PRKCZ: variants seen among roughly 807,000 people sequenced by gnomAD.
The protein encoded by PRKCZ is protein kinase C zeta type.
Under a neutral mutation model 79.5 loss-of-function variants are expected in PRKCZ, and 33 were observed. The ratio of observed to expected loss-of-function variants is 0.41; its 90% confidence interval spans 0.31 to 0.55. The LOEUF (loss-of-function observed/expected upper bound fraction) is 0.55, where lower values mean the gene tolerates loss of function less well. Ranked by LOEUF, PRKCZ falls within the 20% of genes least tolerant of loss-of-function variation. PRKCZ has a pLI of 0.19. For missense variants in PRKCZ, 578 were observed against 813.5 expected (o/e 0.71, Z 3.52); for synonymous variants, 342 against 320.9 (o/e 1.07, Z -0.70).
chr1:2,148,995 A>C, intron 8 of PRKCZ, 71 bp downstream of exon 8: 1 of 1,508,824 alleles, frequency 6.6e-7, no homozygotes, highest in Non-Finnish European at 9.2e-7. Context: ...TCTCTGGGGT[A>C]GTCACGGAAA....
At chr1:2,158,988 C>G (rs181560378) in intron 10 of PRKCZ, among the ~76,000 whole-genome samples, 1 of 151,906 alleles carries the variant, frequency 6.6e-6, no homozygotes, top group Non-Finnish European at 1.5e-5. Flanking sequence ...TGCAGTGGCA[C>G]GATCTCGGCT....
chr1:2,089,941 G>A lies in PRKCZ; in HGVS notation c.334+30350G>A, dbSNP rs941656722. 1.1e-4 allele frequency among the ~76,000 whole-genome samples: 17 copies of A among 152,144 alleles called. 1 individual carries two copies. Among genetic ancestry groups the A allele is most frequent in the African/African-American group, 3.4e-4 (14 of 41,418 alleles). Reference sequence around the variant, plus strand: ...AGCTTTATTCTCTGTCTGGAGACCAGCGTCTGAGAGCTGGGTTTCGGCAGG... The same window carrying A: ...AGCTTTATTCTCTGTCTGGAGACCAACGTCTGAGAGCTGGGTTTCGGCAGG... On this transcript the variant is annotated intron_variant, in intron 4 of 17. Coordinates refer to ENST00000378567, the MANE Select transcript of PRKCZ (RefSeq NM_002744.6).
intron 4 of PRKCZ, among the ~76,000 whole-genome samples, chr1:2,067,130 A>G (rs1397101260): frequency 6.6e-6 from 1 of 152,160 alleles, no homozygotes; most frequent in Non-Finnish European, 1.5e-5. Context: ...TGGTTGGAGA[A>G]TATACTTTGG....
rs954007633 is a variant in PRKCZ at position 2,125,015 on chromosome 1, C to T, written c.335-10247C>T. Among the ~76,000 whole-genome samples the T allele has an allele frequency of 1.3e-5, 2 of 152,204 alleles. No individual in the cohort carries two copies. The highest frequency in any genetic ancestry group is 1.5e-5 in the Non-Finnish European group (1 of 68,040). ...TCTGAGTTATTGTGACTCAGCCGCA[C>T]GTCCTCCCAGGGGCCTTGCCAGCCT... On this transcript the variant is annotated intron_variant, in intron 4 of 17. Transcript: ENST00000378567. This position sits in a 1 kb window ranked among gnomAD's most constrained non-coding sequence, Gnocchi z 4.2.
intron 4 of PRKCZ, among the ~76,000 whole-genome samples, chr1:2,087,092 ATTTTT>A (rs555438927): frequency 6.6e-6 from 1 of 151,366 alleles, no homozygotes; most frequent in East Asian, 1.9e-4. Flanking sequence ...TCTTTTATTT[ATTTTT>A]TTTGAGACAG....
At chr1:2,071,403 G>A (rs1042326620) in intron 4 of PRKCZ, 4 of 415,370 alleles carry the variant, frequency 9.6e-6, no homozygotes, top group Admixed American at 8.4e-5. Context: ...ACCGCCTGTG[G>A]AACAGTGGGG....
At chr1:2,129,183 G>T (rs1674500062) in intron 4 of PRKCZ, among the ~76,000 whole-genome samples, 1 of 152,142 alleles carries the variant, frequency 6.6e-6, no homozygotes, top group African/African-American at 2.4e-5. Flanking sequence ...GAAGGTTTGG[G>T]GGGTTTTTGT....
intron 10 of PRKCZ, among the ~76,000 whole-genome samples, chr1:2,159,210 C>G (rs779901661): frequency 2.6e-5 from 4 of 152,278 alleles, no homozygotes; most frequent in Admixed American, 6.5e-5. Context: ...ACTGACCACA[C>G]AGCACCAGAC....
At chr1:2,087,885 G>A (rs1177656445) in intron 4 of PRKCZ, among the ~76,000 whole-genome samples, 3 of 152,194 alleles carry the variant, frequency 2.0e-5, no homozygotes, top group African/African-American at 4.8e-5. Flanking sequence ...CCAGGCCCTC[G>A]GGAGCCAGGC....
At chr1:2,097,037 G>A (rs897128042) in intron 4 of PRKCZ, among the ~76,000 whole-genome samples, 5 of 152,240 alleles carry the variant, frequency 3.3e-5, no homozygotes, top group South Asian at 2.1e-4. Context: ...TGTTCTGGAC[G>A]GAGCTGACGC....
chr1:2,116,062 C>G (rs527943101), intron 4 of PRKCZ: 1 of 148,276 alleles, frequency 6.7e-6, no homozygotes, highest in Non-Finnish European at 1.5e-5. Flanking sequence ...TGTCCCGGCT[C>G]CCGGCTCCCC....
chr1:2,184,780 C>T, intron 17 of PRKCZ, 82 bp downstream of exon 17: 1 of 1,457,272 alleles, frequency 6.9e-7, no homozygotes, highest in Non-Finnish European at 9.4e-7. Context: ...GCTGGTGACC[C>T]AGCCTGCCCT....
intron 1 of PRKCZ, among the ~76,000 whole-genome samples, chr1:2,055,031 C>T (rs898036628): frequency 6.6e-6 from 1 of 151,928 alleles, no homozygotes; most frequent in African/African-American, 2.4e-5. Flanking sequence ...CAAGCTCCGC[C>T]TCCCGGGTTC....
intron 3 of PRKCZ, among the ~76,000 whole-genome samples, chr1:2,056,963 C>G (rs879733933): frequency 2.2e-4 from 33 of 152,136 alleles, no homozygotes; most frequent in African/African-American, 7.7e-4. Context: ...CTCCTGACCT[C>G]GTGATCTGCC....
At chr1:2,070,585 C>T (rs1380974146) in intron 4 of PRKCZ, among the ~76,000 whole-genome samples, 3 of 152,132 alleles carry the variant, frequency 2.0e-5, no homozygotes, top group Non-Finnish European at 4.4e-5. Context: ...GTGGCAAAGT[C>T]GCCTTGGCCT....
At chr1:2,138,509 G>T (rs905602968) in intron 5 of PRKCZ, among the ~76,000 whole-genome samples, 18 of 152,332 alleles carry the variant, frequency 1.2e-4, no homozygotes, top group Non-Finnish European at 1.3e-4. Flanking sequence ...TCTTGCAGAG[G>T]AGGGAAGGGA....
chr1:2,108,076 T>C (rs569924989), intron 4 of PRKCZ, among the ~76,000 whole-genome samples: 3 of 152,330 alleles, frequency 2.0e-5, no homozygotes, highest in Middle Eastern at 6.9e-3. Context: ...GTTGGATGCC[T>C]GTTCTGGGGG....
intron 4 of PRKCZ, among the ~76,000 whole-genome samples, chr1:2,107,650 A>C (rs1308981388): frequency 6.6e-6 from 1 of 152,194 alleles, no homozygotes; most frequent in East Asian, 1.9e-4. Flanking sequence ...TGCGAGGTGC[A>C]GGCCTTCTTT....
intron 4 of PRKCZ, among the ~76,000 whole-genome samples, chr1:2,070,800 C>T (rs866032169): frequency 2.8e-4 from 30 of 106,730 alleles, no homozygotes; most frequent in East Asian, 5.7e-4. Flanking sequence ...GGACAGTCCT[C>T]GGCTGCGGGG....
Sources: allele counts gnomAD v4.1 joint callset (sites outside exome capture counted in the v4.1 genomes callset), GRCh38; gene constraint gnomAD v4.1.1; non-coding constraint Gnocchi (gnomAD v3.1); transcripts MANE v1.5; gene names NCBI Gene and HGNC (gene_info 2026-07-23, HGNC 2026-07-21).